PTPRK: variants seen among roughly 807,000 people sequenced by gnomAD.
The protein encoded by PTPRK is receptor-type tyrosine-protein phosphatase kappa.
PTPRK carries 75 observed loss-of-function variants against 178.0 expected under a neutral mutation model. The ratio of observed to expected loss-of-function variants is 0.42; its 90% CI spans 0.35 to 0.51. The LOEUF is 0.51. Ranked by LOEUF, PTPRK falls within the 20% of genes least tolerant of loss-of-function variation. The pLI is 0.02. For missense variants in PTPRK, 1,441 were observed against 1,797.8 expected (o/e 0.80, Z 3.59); for synonymous variants, 637 against 620.6 (o/e 1.03, Z -0.39).
At chr6:128,301,779 T>C (rs1048061864) in intron 3 of PTPRK, among the ~76,000 whole-genome samples, 5 of 152,222 alleles carry the variant, frequency 3.3e-5, no homozygotes, top group Admixed American at 6.5e-5. Context: ...GAGATCATCA[T>C]TGATCATATA....
chr6:128,025,451 C>G (rs1214554683), intron 13 of PTPRK, among the ~76,000 whole-genome samples: 1 of 152,036 alleles, frequency 6.6e-6, no homozygotes, highest in Admixed American at 6.6e-5. Flanking sequence ...ATTAGAAAAC[C>G]CTGGTTCTAT....
At chr6:127,987,740 G>T (rs113454593) in intron 21 of PTPRK, among the ~76,000 whole-genome samples, 7,127 of 151,890 alleles carry the variant, frequency 0.047, 588 homozygotes, top group African/African-American at 0.16. Flanking sequence ...TTTAATATTA[G>T]TGACACTGAT....
chr6:128,127,477 T>C (rs1272512087), intron 7 of PTPRK, among the ~76,000 whole-genome samples: 1 of 152,218 alleles, frequency 6.6e-6, no homozygotes, highest in Non-Finnish European at 1.5e-5. Context: ...ATCAGTGTTT[T>C]ATAGTTTTCC....
At chr6:128,351,087 T>C (rs1833058660) in intron 2 of PTPRK, among the ~76,000 whole-genome samples, 1 of 152,222 alleles carries the variant, frequency 6.6e-6, no homozygotes, top group Non-Finnish European at 1.5e-5. Flanking sequence ...AGATGAAACA[T>C]GACTCATTCA....
At chr6:128,349,162 C>T (rs958886033) in intron 2 of PTPRK, among the ~76,000 whole-genome samples, 2 of 152,120 alleles carry the variant, frequency 1.3e-5, no homozygotes, top group African/African-American at 2.4e-5. Context: ...AACAACACTT[C>T]ACTGTCAACC....
intron 1 of PTPRK, among the ~76,000 whole-genome samples, chr6:128,458,714 T>C (rs549358488): frequency 3.9e-5 from 6 of 152,348 alleles, no homozygotes; most frequent in Admixed American, 2.6e-4. Context: ...CTTGACTATA[T>C]GCAATTTGTA....
intron 7 of PTPRK, among the ~76,000 whole-genome samples, chr6:128,110,219 C>G (rs1790420192): frequency 6.6e-6 from 1 of 152,016 alleles, no homozygotes; most frequent in African/African-American, 2.4e-5. Flanking sequence ...CCACCATGCC[C>G]AACCTATCAA....
intron 3 of PTPRK, among the ~76,000 whole-genome samples, chr6:128,259,193 G>C (rs899697106): frequency 6.6e-6 from 1 of 152,090 alleles, no homozygotes. Context: ...GTGGCACCTT[G>C]AAGTAAAAAG....
chr6:128,189,380 C>T (rs1277208498), intron 6 of PTPRK, among the ~76,000 whole-genome samples: 1 of 151,298 alleles, frequency 6.6e-6, no homozygotes, highest in African/African-American at 2.4e-5. Flanking sequence ...GCCGGGACTA[C>T]AGGTGCATGC....
At position 128,219,061 on chromosome 6, in the gene PTPRK, AGTCT is replaced by A; in HGVS notation, c.725_728del (p.Gln242LeufsTer18). The A allele has an allele frequency of 6.2e-7, 1 of 1,614,012 alleles. No homozygotes were observed. Among genetic ancestry groups the A allele is most frequent in the Non-Finnish European group, 8.5e-7 (1 of 1,179,896 alleles). ...CAAACCTTCTATGATTGATGTTCTT[AGTCT>A]GGGCTACTGGTATATCTTCTCCATT... On this transcript the variant is annotated frameshift_variant, in exon 6 of 30. Coordinates refer to ENST00000368226, the MANE Select transcript of PTPRK (RefSeq NM_002844.4). LOFTEE classifies it high-confidence loss of function.
chr6:128,022,427 G>A (rs771354868), intron 13 of PTPRK, among the ~76,000 whole-genome samples: 6 of 152,140 alleles, frequency 3.9e-5, no homozygotes, highest in Non-Finnish European at 5.9e-5. Flanking sequence ...CTTTAAGCAA[G>A]TGACTTCATT....
intron 2 of PTPRK, among the ~76,000 whole-genome samples, chr6:128,343,211 A>T (rs1160635948): frequency 6.6e-6 from 1 of 152,132 alleles, no homozygotes; most frequent in Non-Finnish European, 1.5e-5. Context: ...TATGAAAATA[A>T]AAAAGAATCA....
chr6:128,048,880 T>C (rs191768702), intron 13 of PTPRK, among the ~76,000 whole-genome samples: 1 of 152,320 alleles, frequency 6.6e-6, no homozygotes, highest in East Asian at 1.9e-4. Flanking sequence ...TTGTGTTTGG[T>C]CTATTTCCTT....
chr6:128,082,675 CCAT>C, intron 9 of PTPRK, 37 bp from the exon 10 acceptor site: 1 of 1,443,516 alleles, frequency 6.9e-7, no homozygotes, highest in Non-Finnish European at 9.5e-7. Context: ...TATCTAGTAT[CCAT>C]CATAAGAAAC....
intron 2 of PTPRK, among the ~76,000 whole-genome samples, chr6:128,384,547 C>G (rs1272467113): frequency 1.3e-5 from 2 of 152,020 alleles, no homozygotes; most frequent in Non-Finnish European, 2.9e-5. Context: ...ATGGGTTGGA[C>G]AAGCTTGATG....
At chr6:128,024,801 T>C (rs1774044563) in intron 13 of PTPRK, among the ~76,000 whole-genome samples, 1 of 152,032 alleles carries the variant, frequency 6.6e-6, no homozygotes, top group Non-Finnish European at 1.5e-5. Context: ...CAGAGCAAGA[T>C]TCCTTTTCAA....
intron 2 of PTPRK, among the ~76,000 whole-genome samples, chr6:128,328,702 G>T (rs1023970723): frequency 1.3e-5 from 2 of 151,984 alleles, no homozygotes; most frequent in African/African-American, 4.8e-5. Context: ...AGCAGCTTTT[G>T]TTTCTGAGTT....
At position 128,322,803 on chromosome 6, in the gene PTPRK, C is replaced by A. The variant is rs138064453; in HGVS notation, c.224-493G>T. On this transcript the variant is annotated intron_variant, in intron 2 of 29. Transcript: ENST00000368226. ...TGTGCTTAGAGTGCAAACAATGGAA[C>A]CATTTCTAATTTCGTATTGGAAAAT... is the stretch of plus-strand genomic sequence containing the variant. Among the ~76,000 whole-genome samples, 26 of 152,036 alleles carry A rather than the reference C, an allele frequency of 1.7e-4. No homozygotes were observed. In the South Asian group the frequency reaches 5.4e-3, roughly 32 times the overall value.
intron 2 of PTPRK, among the ~76,000 whole-genome samples, chr6:128,345,474 C>A (rs1367732939): frequency 1.3e-5 from 2 of 152,172 alleles, no homozygotes; most frequent in Non-Finnish European, 1.5e-5. Context: ...GATGGCAATA[C>A]CCTGTACTAC....
Sources: gnomAD v4.1 joint callset for allele counts (sites outside exome capture counted in the v4.1 genomes callset) on GRCh38, gnomAD v4.1.1 for gene constraint, MANE v1.5 for transcripts, NCBI Gene and HGNC (gene_info 2026-07-23, HGNC 2026-07-21) for gene names.